The following STXBP5L variants were observed in gnomAD, a reference collection of about 807,000 sequenced individuals.
STXBP5L encodes syntaxin binding protein 5L, also known as syntaxin-binding protein 5-like.
STXBP5L carries 65 observed loss-of-function variants against 144.5 expected under a neutral mutation model. The ratio of observed to expected loss-of-function variants is 0.45; its 90% confidence interval spans 0.37 to 0.55. The LOEUF is 0.55. Among genes scored for constraint, STXBP5L ranks in the 20% least tolerant of loss-of-function variants. STXBP5L has a pLI of 0.00. For missense variants in STXBP5L, 1,298 were observed against 1,405.5 expected (o/e 0.92, Z 1.22); for synonymous variants, 505 against 469.6 (o/e 1.08, Z -0.97).
intron 3 of STXBP5L, among the ~76,000 whole-genome samples, chr3:121,009,352 A>T (rs1361755892): frequency 6.6e-6 from 1 of 151,900 alleles, no homozygotes; most frequent in African/African-American, 2.4e-5. Context: ...TAGACTCCTG[A>T]CCAACCAATC....
At chr3:121,181,102 A>G (rs1196259567) in intron 9 of STXBP5L, among the ~76,000 whole-genome samples, 1 of 150,876 alleles carries the variant, frequency 6.6e-6, no homozygotes, top group Non-Finnish European at 1.5e-5. Context: ...CTCTGTCTTG[A>G]AAAGAAAAGA....
Position 120,955,031 on chromosome 3 carries a change from T to C in STXBP5L, c.281T>C (p.Ile94Thr). ...GCTATTGGGACGAGAACAGGTGCTA[T>C]ACGAATGTATCCTTAAATTTTGGTT... is the stretch of plus-strand genomic sequence containing the variant. ...ILAIGTRTGAIRILGRPGVDC... is the reference protein window; with the variant it reads ...ILAIGTRTGATRILGRPGVDC... Residue 94 changes from isoleucine (I) to threonine (T), a missense_variant, in exon 3 of 27, where the codon ATA (isoleucine) becomes ACA (threonine). Physicochemically the swap from Ile to Thr is moderately conservative, Grantham distance 89 (BLOSUM62 -1). Transcript: ENST00000471454. 1 of 1,611,256 alleles carries C rather than the reference T, an allele frequency of 6.2e-7. No homozygotes were observed. The highest frequency in any genetic ancestry group is 1.1e-5 in the South Asian group (1 of 90,880).
At chr3:121,209,193 C>T (rs984145520) in intron 10 of STXBP5L, among the ~76,000 whole-genome samples, 2 of 152,078 alleles carry the variant, frequency 1.3e-5, no homozygotes, top group Non-Finnish European at 2.9e-5. Flanking sequence ...TGGGTTGGTT[C>T]CAAGTCTTTG....
At chr3:121,146,743 T>C (rs1205215686) in intron 7 of STXBP5L, among the ~76,000 whole-genome samples, 1 of 152,086 alleles carries the variant, frequency 6.6e-6, no homozygotes, top group African/African-American at 2.4e-5. Flanking sequence ...TTAAGGATAA[T>C]ATTTTATAAT....
At chr3:121,030,063 CTT>C (rs1946254349) in intron 3 of STXBP5L, among the ~76,000 whole-genome samples, 1 of 152,160 alleles carries the variant, frequency 6.6e-6, no homozygotes, top group Non-Finnish European at 1.5e-5. Context: ...AATAGGAACA[CTT>C]TTACACTGTT....
intron 18 of STXBP5L, among the ~76,000 whole-genome samples, chr3:121,266,743 C>G (rs1204848368): frequency 6.6e-6 from 1 of 152,076 alleles, no homozygotes; most frequent in Non-Finnish European, 1.5e-5. Context: ...GTCTCAGCCC[C>G]AAATCTCCTT....
intron 9 of STXBP5L, among the ~76,000 whole-genome samples, chr3:121,194,017 G>A (rs935834326): frequency 5.3e-5 from 8 of 151,854 alleles, no homozygotes; most frequent in Admixed American, 1.3e-4. Context: ...GCTTGCTTTA[G>A]TAAATGTTTT....
chr3:121,415,427 A>G (rs2108754052), intron 24 of STXBP5L, among the ~76,000 whole-genome samples: 1 of 152,302 alleles, frequency 6.6e-6, no homozygotes, highest in Non-Finnish European at 1.5e-5. Flanking sequence ...GTACTCCTAC[A>G]AAAATAGATC....
At chr3:120,952,994 C>A (rs2107695235) in intron 2 of STXBP5L, among the ~76,000 whole-genome samples, 1 of 151,636 alleles carries the variant, frequency 6.6e-6, no homozygotes, top group East Asian at 2.0e-4. Context: ...GAGACAAGAT[C>A]TCTCTATCTT....
chr3:120,969,559 C>T, intron 3 of STXBP5L, among the ~76,000 whole-genome samples: 1 of 151,362 alleles, frequency 6.6e-6, no homozygotes, highest in African/African-American at 2.4e-5. Flanking sequence ...TAATTAGGTC[C>T]CATTTATTTT....
intron 5 of STXBP5L, among the ~76,000 whole-genome samples, chr3:121,095,980 C>G (rs1211764346): frequency 6.6e-6 from 1 of 152,118 alleles, no homozygotes; most frequent in Non-Finnish European, 1.5e-5. Context: ...GTTGTCCTTT[C>G]TTTTTGTTAG....
chr3:121,211,699 G>T (rs566686797), intron 10 of STXBP5L, among the ~76,000 whole-genome samples: 3 of 151,124 alleles, frequency 2.0e-5, no homozygotes, highest in African/African-American at 7.3e-5. Context: ...CTGCCCCAGC[G>T]TCCTGAGTAA....
chr3:121,058,811 T>C (rs949715667), intron 5 of STXBP5L, among the ~76,000 whole-genome samples: 1 of 149,790 alleles, frequency 6.7e-6, no homozygotes, highest in East Asian at 1.9e-4. Context: ...TTGCCCACTT[T>C]TTGATGGGGT....
intron 7 of STXBP5L, among the ~76,000 whole-genome samples, chr3:121,141,740 T>C (rs1577052193): frequency 6.6e-6 from 1 of 151,958 alleles, no homozygotes; most frequent in East Asian, 1.9e-4. Context: ...AGTCCTAAGG[T>C]AACCACACAC....
At chr3:121,114,837 G>A in intron 5 of STXBP5L, 88 bp from the exon 6 acceptor site, 3 of 798,272 alleles carry the variant, frequency 3.8e-6, no homozygotes, top group Non-Finnish European at 5.6e-6. Flanking sequence ...TATTTATATA[G>A]CTATCACTAC....
intron 19 of STXBP5L, among the ~76,000 whole-genome samples, chr3:121,313,609 C>A (rs1412119361): frequency 3.4e-5 from 3 of 88,484 alleles, no homozygotes; most frequent in Non-Finnish European, 7.1e-5. Flanking sequence ...CTGGCCGACC[C>A]CCCCCCCCGC....
At chr3:120,991,224 G>GA (rs1942832064) in intron 3 of STXBP5L, among the ~76,000 whole-genome samples, 1 of 151,748 alleles carries the variant, frequency 6.6e-6, no homozygotes, top group African/African-American at 2.4e-5. Flanking sequence ...AAAGACACAT[G>GA]AAAAAATGCT....
intron 7 of STXBP5L, among the ~76,000 whole-genome samples, chr3:121,124,843 A>G (rs1194269561): frequency 6.6e-6 from 1 of 152,094 alleles, no homozygotes; most frequent in African/African-American, 2.4e-5. Context: ...TTCCAACTTC[A>G]AAGGAAATGC....
rs570311330 is a variant in STXBP5L at position 121,179,392 on chromosome 3, A to C, written c.877+21765A>C. ...TAAACATAAAAGTATGATCCATAAG[A>C]GGGAAAAAAAGTAATTCTAAGCAAA... On this transcript the variant is annotated intron_variant, in intron 9 of 26. Transcript: ENST00000471454. Among the ~76,000 whole-genome samples the C allele has an allele frequency of 3.9e-5, 6 of 152,288 alleles. 1 individual carries two copies. The South Asian group carries it at 1.2e-3, about 32-fold the overall frequency.
Sources: gnomAD v4.1 joint callset for allele counts (sites outside exome capture counted in the v4.1 genomes callset) on GRCh38, gnomAD v4.1.1 for gene constraint, MANE v1.5 for transcripts, NCBI Gene and HGNC (gene_info 2026-07-23, HGNC 2026-07-21) for gene names.